TCERG1L: variants seen among roughly 807,000 people sequenced by gnomAD.
TCERG1L encodes transcription elongation regulator 1-like protein.
A neutral mutation model predicts 56.3 loss-of-function variants in TCERG1L; 37 were observed. The ratio of observed to expected loss-of-function variants is 0.66; its 90% CI spans 0.51 to 0.87. The LOEUF (loss-of-function observed/expected upper bound fraction) is 0.87, where lower values mean the gene tolerates loss of function less well. TCERG1L is among the 40% of genes least tolerant of loss of function. The pLI, the probability that TCERG1L is intolerant of heterozygous loss-of-function variation, is 0.00. For synonymous variants in TCERG1L, 324 were observed against 326.3 expected (o/e 0.99, Z 0.08); for missense variants, 799 against 774.2 (o/e 1.03, Z -0.38).
intron 4 of TCERG1L, among the ~76,000 whole-genome samples, chr10:131,218,487 T>TCCA (rs1845696810): frequency 7.4e-6 from 1 of 135,344 alleles, no homozygotes; most frequent in African/African-American, 3.0e-5. Flanking sequence ...GATCCTTTTT[T>TCCA]TCTATTTATT....
At chr10:131,297,860 T>C (rs952959133) in intron 3 of TCERG1L, among the ~76,000 whole-genome samples, 4 of 152,172 alleles carry the variant, frequency 2.6e-5, no homozygotes, top group African/African-American at 9.6e-5. Flanking sequence ...TTATAGTTTA[T>C]ATTTTCCTAT....
intron 8 of TCERG1L, among the ~76,000 whole-genome samples, chr10:131,128,737 G>A (rs1392639961): frequency 6.6e-6 from 1 of 152,172 alleles, no homozygotes. Flanking sequence ...GAATAAAATG[G>A]CAGAATTAAG....
At chr10:131,230,077 A>G (rs1277655506) in intron 4 of TCERG1L, among the ~76,000 whole-genome samples, 1 of 152,144 alleles carries the variant, frequency 6.6e-6, no homozygotes, top group East Asian at 1.9e-4. Context: ...CGACTGTCCC[A>G]TGAGGATTTC....
chr10:131,164,100 C>A (rs1261534798), intron 5 of TCERG1L: 1 of 142,756 alleles, frequency 7.0e-6, no homozygotes. Flanking sequence ...GCACTCCGGC[C>A]TGGGGGACAG....
At chr10:131,218,120 C>G (rs567943712) in intron 4 of TCERG1L, among the ~76,000 whole-genome samples, 2 of 152,228 alleles carry the variant, frequency 1.3e-5, no homozygotes, top group African/African-American at 4.8e-5. Flanking sequence ...TGGACACAGC[C>G]CATTTTTTCC....
At chr10:131,229,893 G>T (rs540095152) in intron 4 of TCERG1L, among the ~76,000 whole-genome samples, 1 of 152,176 alleles carries the variant, frequency 6.6e-6, no homozygotes, top group African/African-American at 2.4e-5. Context: ...CCTTCTGAAC[G>T]AAGCGCTGAG....
intron 6 of TCERG1L, 87 bp from the exon 7 acceptor site, chr10:131,146,747 CT>C: frequency 7.0e-7 from 1 of 1,421,374 alleles, no homozygotes. Context: ...GAAAAAGCCC[CT>C]CAGGACCGAA....
At chr10:131,298,615 T>C (rs548593058) in intron 3 of TCERG1L, among the ~76,000 whole-genome samples, 1 of 152,332 alleles carries the variant, frequency 6.6e-6, no homozygotes, top group Non-Finnish European at 1.5e-5. Flanking sequence ...GGTTTTGCCA[T>C]GTTGGCCAGG....
chr10:131,181,255 A>G (rs1348351240), intron 4 of TCERG1L, among the ~76,000 whole-genome samples: 1 of 152,076 alleles, frequency 6.6e-6, no homozygotes, highest in African/African-American at 2.4e-5. Flanking sequence ...GCTAAGGCCC[A>G]CCTCTCTCCC....
intron 9 of TCERG1L, among the ~76,000 whole-genome samples, chr10:131,114,676 T>C (rs1048312446): frequency 2.0e-5 from 3 of 152,100 alleles, no homozygotes; most frequent in Non-Finnish European, 4.4e-5. Flanking sequence ...CCATGTAAAC[T>C]GAGTCTGATA....
intron 4 of TCERG1L, among the ~76,000 whole-genome samples, chr10:131,259,728 C>G (rs1846213520): frequency 6.6e-6 from 1 of 152,224 alleles, no homozygotes; most frequent in Admixed American, 6.5e-5. Flanking sequence ...AGCTCAAATG[C>G]CTTTGTGGCG....
intron 8 of TCERG1L, 41 bp from the exon 9 acceptor site, chr10:131,116,975 G>A (rs1564794954): frequency 6.3e-7 from 1 of 1,577,434 alleles, no homozygotes; most frequent in Non-Finnish European, 8.6e-7. Flanking sequence ...CACTCGTGGG[G>A]ACCCAGCTGG....
intron 7 of TCERG1L, among the ~76,000 whole-genome samples, chr10:131,144,665 C>G (rs1303774665): frequency 1.3e-5 from 2 of 152,056 alleles, no homozygotes; most frequent in African/African-American, 4.8e-5. Context: ...CGTTTTATAA[C>G]CACATGTAAT....
At chr10:131,247,408 C>G in intron 4 of TCERG1L, among the ~76,000 whole-genome samples, 1 of 152,180 alleles carries the variant, frequency 6.6e-6, no homozygotes, top group South Asian at 2.1e-4. Context: ...CATCACCTAC[C>G]AGCCCCAGGC....
At chr10:131,099,137 C>A (rs188008776) in intron 10 of TCERG1L, among the ~76,000 whole-genome samples, 1,574 of 152,278 alleles carry the variant, frequency 0.01, 19 homozygotes, top group Middle Eastern at 0.02. Context: ...ACCAGAAATG[C>A]ATCTCAAATG....
intron 4 of TCERG1L, among the ~76,000 whole-genome samples, chr10:131,196,643 G>C (rs904252735): frequency 6.6e-6 from 1 of 152,192 alleles, no homozygotes; most frequent in African/African-American, 2.4e-5. Flanking sequence ...CTGGAGCTCG[G>C]AGGCCACCTT....
rs1480561756 is a variant in TCERG1L at position 131,116,884 on chromosome 10, T to G, written c.1310A>C (p.Lys437Thr). Reference protein sequence around the residue: ...PKPEEAKREDKGTRTPPPQIL... With the variant: ...PKPEEAKREDTGTRTPPPQIL... The stretch of plus-strand genomic sequence containing the variant: ...CTGCGGGGGCGGCGTCCTTGTGCCT[T>G]TGTCCTCTCTCTTTGCCTCCTCTGG... The change falls in exon 9 of 12, where the codon AAA becomes ACA. Residue 437 changes from lysine (K) to threonine (T), a missense_variant. Lys to Thr is a moderately conservative substitution (Grantham distance 78, BLOSUM62 -1). Coordinates refer to ENST00000368642, the MANE Select transcript of TCERG1L (RefSeq NM_174937.4). 1.9e-6 allele frequency: 3 copies of G among 1,602,646 alleles called. No individual in the cohort carries two copies. The highest frequency in any genetic ancestry group is 4.5e-5 in the East Asian group (2 of 44,414).
At chr10:131,234,780 C>T (rs781019377) in intron 4 of TCERG1L, among the ~76,000 whole-genome samples, 20 of 152,140 alleles carry the variant, frequency 1.3e-4, no homozygotes, top group African/African-American at 3.6e-4. Context: ...CTTGGCTCAC[C>T]GCCACCTCCG....
At chr10:131,198,449 G>C (rs1845391034) in intron 4 of TCERG1L, among the ~76,000 whole-genome samples, 1 of 152,238 alleles carries the variant, frequency 6.6e-6, no homozygotes, top group Non-Finnish European at 1.5e-5. Context: ...ATGACAAGAG[G>C]TGTCTCTGCC....
Sources: allele counts gnomAD v4.1 joint callset (sites outside exome capture counted in the v4.1 genomes callset), GRCh38; gene constraint gnomAD v4.1.1; transcripts MANE v1.5; gene names NCBI Gene and HGNC (gene_info 2026-07-23, HGNC 2026-07-21).